Variants in CHD9 observed in about 807,000 individuals in gnomAD.
The protein encoded by CHD9 is ATP-dependent chromatin remodeler CHD9.
CHD9 carries 77 observed loss-of-function variants against 316.1 expected under a neutral mutation model. The observed-to-expected ratio is 0.24, with a 90% CI of 0.20 to 0.29. The LOEUF (loss-of-function observed/expected upper bound fraction) is 0.29. Ranked by LOEUF, CHD9 falls within the 10% of genes least tolerant of loss-of-function variation. CHD9 has a pLI of 1.00. For missense variants in CHD9, 2,763 were observed against 3,438.1 expected, an observed-to-expected ratio of 0.80 and a Z score of 4.91; for synonymous variants, 1,129 against 1,158.3, an observed-to-expected ratio of 0.97 and a Z score of 0.51.
At chr16:53,162,449 A>G (rs985729636) in intron 2 of CHD9, among the ~76,000 whole-genome samples, 2 of 152,138 alleles carry the variant, frequency 1.3e-5, no homozygotes, top group Admixed American at 6.5e-5. Context: ...TGCTGTCTTT[A>G]TAGCAGAATC....
Position 53,156,706 on chromosome 16 carries a change from A to G in CHD9, c.617A>G (p.His206Arg). The change falls in exon 2 of 39, where the codon CAT becomes CGT. Residue 206 changes from histidine (H) to arginine (R), a missense_variant. Around this residue, in one of 15 missense-constraint regions of CHD9, gnomAD observed 859 missense variants for 890.4 expected, o/e 0.96. Coordinates refer to ENST00000447540, the MANE Select transcript of CHD9 (RefSeq NM_001308319.2). ...AATTTTATGAATGTTTCTGGTCCAC[A>G]TAGAGTCAATGTTAACCACCCACCA... ...SKNFMNVSGP[H>R]RVNVNHPPQM... 1.2e-6 allele frequency: 2 copies of G among 1,613,980 alleles called. No homozygotes were observed. The highest frequency in any genetic ancestry group is 1.7e-6 in the Non-Finnish European group (2 of 1,179,860).
chr16:53,067,866 G>A (rs115450154), intron 1 of CHD9, among the ~76,000 whole-genome samples: 1,656 of 151,932 alleles, frequency 0.011, 32 homozygotes, highest in African/African-American at 0.037. Flanking sequence ...TTTGGGACTA[G>A]CCTGGGCAAC....
At chr16:53,282,983 C>T (rs780213073) in intron 24 of CHD9, among the ~76,000 whole-genome samples, 1 of 152,086 alleles carries the variant, frequency 6.6e-6, no homozygotes, top group Non-Finnish European at 1.5e-5. Flanking sequence ...TTATGTCTTC[C>T]AAATCCCTAT....
intron 2 of CHD9, among the ~76,000 whole-genome samples, chr16:53,186,779 A>T (rs1040324690): frequency 1.3e-5 from 2 of 152,192 alleles, no homozygotes; most frequent in African/African-American, 2.4e-5. Context: ...ATGGTCTTAT[A>T]AGAGGATTCC....
chr16:53,167,166 C>A (rs77326398), intron 2 of CHD9, among the ~76,000 whole-genome samples: 4,926 of 152,110 alleles, frequency 0.032, 99 homozygotes, highest in Middle Eastern at 0.071. Context: ...TTGAGAAATA[C>A]TTTTTAGTTT....
At chr16:53,297,289 G>T in intron 30 of CHD9, 131 bp downstream of exon 30, 2 of 662,684 alleles carry the variant, frequency 3.0e-6, no homozygotes, top group Non-Finnish European at 5.2e-6. Flanking sequence ...TAATTTTTTA[G>T]AATTATAAAT....
Position 53,156,420 on chromosome 16 carries a change from C to T in CHD9, c.331C>T (p.Pro111Ser), listed in dbSNP as rs772666237. The change falls in exon 2 of 39, where the codon CCC (proline) becomes TCC (serine). Residue 111 changes from proline (P) to serine (S), a missense_variant. Transcript: ENST00000447540. ...TTCTCCAATCCATCCCCAAAACCAA[C>T]CCAATGGTTTGTTTCCAGATGTATC... The part of the protein sequence containing the change: ...NCSPIHPQNQ[P>S]NGLFPDVSDG... 77 of 1,613,894 alleles carry T rather than the reference C, an allele frequency of 4.8e-5. No individual in the cohort carries two copies. The highest frequency in any genetic ancestry group is 6.3e-5 in the Non-Finnish European group (74 of 1,179,898).
chr16:53,100,551 T>C (rs566003872), intron 1 of CHD9, among the ~76,000 whole-genome samples: 118 of 151,014 alleles, frequency 7.8e-4, no homozygotes, highest in African/African-American at 2.6e-3. Flanking sequence ...CTGGGACTCC[T>C]GAGCTCAAGT....
chr16:53,311,582 T>C (rs1157497691), intron 34 of CHD9: 2 of 152,236 alleles, frequency 1.3e-5, no homozygotes, highest in South Asian at 4.1e-4. Flanking sequence ...CCTTTTGTAT[T>C]CTTGTGTAAT....
rs375220700 is a variant in CHD9, at chr16:53,068,992, C to CTTTTATTTTATTTTA, written c.-165+13930_-165+13944dup. ...TTTAACCATCTTAATGCATTTTCTT[C>CTTTTATTTTATTTTA]TTTTATTTTATTTTATTTTATTTTA... On this transcript the variant is annotated intron_variant, in intron 1 of 38. Transcript: ENST00000447540. 5.1e-4 allele frequency among the ~76,000 whole-genome samples: 77 copies of CTTTTATTTTATTTTA among 151,946 alleles called. 1 individual carries two copies. The highest frequency in any genetic ancestry group is 1.7e-3 in the African/African-American group (71 of 41,438).
At chr16:53,322,016 T>A (rs1373044931) in intron 38 of CHD9, among the ~76,000 whole-genome samples, 1 of 139,970 alleles carries the variant, frequency 7.1e-6, no homozygotes. Context: ...TTTTTTTTTT[T>A]AGACAGGATC....
intron 1 of CHD9, among the ~76,000 whole-genome samples, chr16:53,136,413 C>T (rs1202809606): frequency 3.3e-5 from 5 of 151,998 alleles, no homozygotes; most frequent in African/African-American, 1.2e-4. Flanking sequence ...TGAAAGATAA[C>T]TGCTGATGTA....
chr16:53,152,591 G>A (rs2041212714), intron 1 of CHD9, among the ~76,000 whole-genome samples: 1 of 152,154 alleles, frequency 6.6e-6, no homozygotes, highest in Non-Finnish European at 1.5e-5. Context: ...TTTTTCATGT[G>A]AGTGACATAA....
chr16:53,105,602 A>G (rs959018968), intron 1 of CHD9, among the ~76,000 whole-genome samples: 8 of 152,166 alleles, frequency 5.3e-5, no homozygotes, highest in South Asian at 2.1e-4. Context: ...CCTTTTATGC[A>G]TATTATTCCA....
intron 1 of CHD9, among the ~76,000 whole-genome samples, chr16:53,108,646 G>A (rs573886713): frequency 1.1e-4 from 17 of 152,108 alleles, no homozygotes; most frequent in African/African-American, 2.9e-4. Context: ...AGACCAAGGC[G>A]GGCAGATCAC....
intron 3 of CHD9, among the ~76,000 whole-genome samples, chr16:53,215,108 G>A (rs2046638455): frequency 6.6e-6 from 1 of 152,048 alleles, no homozygotes; most frequent in African/African-American, 2.4e-5. Flanking sequence ...AGTAGAGATG[G>A]GGTTTTACCG....
intron 2 of CHD9, among the ~76,000 whole-genome samples, chr16:53,178,427 CTTTTTT>C (rs10569589): frequency 1.9e-4 from 19 of 98,960 alleles, no homozygotes; most frequent in African/African-American, 6.9e-4. Context: ...TTGTTGGTTT[CTTTTTT>C]TTTTTTTTTT....
chr16:53,091,009 C>CG (rs5816886), intron 1 of CHD9, among the ~76,000 whole-genome samples: 2,708 of 151,786 alleles, frequency 0.018, 41 homozygotes, highest in Non-Finnish European at 0.024. Flanking sequence ...TCACCCCCCC[C>CG]CGACTGACCG....
rs187392108 is a variant in CHD9 at position 53,219,970 on chromosome 16, A to C, written c.1785-2674A>C. On this transcript the variant is annotated intron_variant, in intron 3 of 38. Transcript: ENST00000447540. Reference sequence around the variant, plus strand: ...TATAGTTGGTTGAGGAATGAAACGGAAATGACTCTTGAGAACTTTGGATAC... The same window carrying C: ...TATAGTTGGTTGAGGAATGAAACGGCAATGACTCTTGAGAACTTTGGATAC... Among the ~76,000 whole-genome samples the C allele has an allele frequency of 4.6e-5, 7 of 152,342 alleles. No homozygotes were observed. In the East Asian group the frequency reaches 1.2e-3, roughly 25 times the overall value.
Sources: allele counts gnomAD v4.1 joint callset (sites outside exome capture counted in the v4.1 genomes callset), GRCh38; gene constraint gnomAD v4.1.1; regional missense constraint gnomAD v4.1.1; transcripts MANE v1.5; gene names NCBI Gene and HGNC (gene_info 2026-07-23, HGNC 2026-07-21).